CA10: variants seen among roughly 807,000 people sequenced by gnomAD.
The protein encoded by CA10 is carbonic anhydrase 10 (inactive).
A neutral mutation model predicts 44.2 loss-of-function variants in CA10; 14 were observed. That is an observed-to-expected ratio of 0.32 (90% CI 0.21 to 0.50). CA10 has a LOEUF of 0.50. Ranked by LOEUF, CA10 falls within the 20% of genes least tolerant of loss-of-function variation. CA10 has a pLI of 0.99. For missense variants in CA10, 350 were observed against 409.7 expected (o/e 0.85, Z 1.26); for synonymous variants, 159 against 141.6 (o/e 1.12, Z -0.87).
intron 6 of CA10, among the ~76,000 whole-genome samples, chr17:51,642,004 A>G (rs964236049): frequency 6.6e-6 from 1 of 152,254 alleles, no homozygotes; most frequent in Non-Finnish European, 1.5e-5. Flanking sequence ...TTTCTCATAT[A>G]GAATGACATT....
chr17:52,050,505 A>C (rs1445628984), intron 2 of CA10, among the ~76,000 whole-genome samples: 1 of 152,102 alleles, frequency 6.6e-6, no homozygotes, highest in African/African-American at 2.4e-5. Flanking sequence ...TACTCTGGTT[A>C]ACACTCTATA....
intron 4 of CA10, among the ~76,000 whole-genome samples, chr17:51,693,743 C>A (rs981527510): frequency 5.3e-5 from 8 of 152,064 alleles, no homozygotes; most frequent in African/African-American, 1.9e-4. Flanking sequence ...TGATTCACTG[C>A]TAATGGGGGG....
intron 2 of CA10, among the ~76,000 whole-genome samples, chr17:51,962,111 C>CT (rs1181636633): frequency 3.9e-5 from 6 of 152,220 alleles, no homozygotes; most frequent in Non-Finnish European, 8.8e-5. Context: ...AACATATTTG[C>CT]ATGGATTATA....
chr17:51,795,141 C>T (rs979761020), intron 3 of CA10, among the ~76,000 whole-genome samples: 1 of 152,156 alleles, frequency 6.6e-6, no homozygotes, highest in Non-Finnish European at 1.5e-5. Context: ...AAGTACCCGG[C>T]CCAGAGTCTG....
At chr17:51,688,199 C>T (rs1915071144) in intron 4 of CA10, among the ~76,000 whole-genome samples, 1 of 152,200 alleles carries the variant, frequency 6.6e-6, no homozygotes, top group Non-Finnish European at 1.5e-5. Flanking sequence ...GAATCTTCTA[C>T]CCCAGTCAAG....
chr17:51,648,929 T>G (rs533580024), intron 6 of CA10, among the ~76,000 whole-genome samples: 2 of 151,698 alleles, frequency 1.3e-5, no homozygotes, highest in Non-Finnish European at 2.9e-5. Context: ...ATTACCAATC[T>G]ATGGGATAAC....
chr17:51,638,196 C>T (rs1209643232), intron 6 of CA10, among the ~76,000 whole-genome samples: 1 of 152,170 alleles, frequency 6.6e-6, no homozygotes, highest in African/African-American at 2.4e-5. Flanking sequence ...TGGAGCCAAT[C>T]GTTTGGAATG....
chr17:52,041,102 T>A lies in CA10; in HGVS notation c.136+31217A>T, dbSNP rs1986756091. Among the ~76,000 whole-genome samples, 3 of 152,032 alleles carry A rather than the reference T, an allele frequency of 2.0e-5. No individual in the cohort carries two copies. In the South Asian group the frequency reaches 6.2e-4, roughly 32 times the overall value. On this transcript the variant is annotated intron_variant, in intron 2 of 8. Transcript: ENST00000451037. ...TGGAACTACCCTAATGAAGCAAAGC[T>A]TCCAAGCCTACAAGAGATTCCAAGT...
intron 1 of CA10, among the ~76,000 whole-genome samples, chr17:52,084,900 G>C (rs1324500412): frequency 6.6e-6 from 1 of 152,152 alleles, no homozygotes; most frequent in East Asian, 1.9e-4. Context: ...AAGAGTTCCA[G>C]GAAGTGCTAA....
chr17:52,118,701 A>G (rs1988950131), intron 1 of CA10, among the ~76,000 whole-genome samples: 1 of 152,108 alleles, frequency 6.6e-6, no homozygotes. Context: ...TAAAATTCTA[A>G]TGTTTGGGTA....
intron 8 of CA10, 138 bp from the exon 9 acceptor site, chr17:51,631,744 A>C: frequency 2.8e-6 from 2 of 725,398 alleles, no homozygotes; most frequent in South Asian, 3.3e-5. Context: ...ACTTATATGC[A>C]TTCCAACTAC....
intron 1 of CA10, chr17:52,134,912 C>T (rs750218681): frequency 1.9e-6 from 1 of 519,060 alleles, no homozygotes; most frequent in African/African-American, 1.9e-5. Context: ...CACAGTTCAT[C>T]AGGCTCTGTG....
intron 4 of CA10, among the ~76,000 whole-genome samples, chr17:51,693,054 T>C (rs1915274662): frequency 6.6e-6 from 1 of 152,228 alleles, no homozygotes; most frequent in African/African-American, 2.4e-5. Context: ...CCATGGGTTA[T>C]AACAGATTTT....
At chr17:51,738,805 TAAG>T (rs1158429840) in intron 4 of CA10, among the ~76,000 whole-genome samples, 1 of 152,324 alleles carries the variant, frequency 6.6e-6, no homozygotes, top group Middle Eastern at 3.4e-3. Flanking sequence ...CCAGGTGACC[TAAG>T]AAGGTTTTTT....
chr17:52,128,896 CA>C (rs1172854692), intron 1 of CA10, among the ~76,000 whole-genome samples: 1 of 152,152 alleles, frequency 6.6e-6, no homozygotes, highest in African/African-American at 2.4e-5. Flanking sequence ...AATCACCTTC[CA>C]ATTCATGCTC....
intron 3 of CA10, among the ~76,000 whole-genome samples, chr17:51,835,330 G>T (rs917980724): frequency 6.6e-6 from 1 of 152,118 alleles, no homozygotes; most frequent in Non-Finnish European, 1.5e-5. Flanking sequence ...TGGAGTATAC[G>T]GTTGAGAAGA....
At chr17:51,657,571 A>G (rs1353629731) in intron 4 of CA10, among the ~76,000 whole-genome samples, 1 of 152,210 alleles carries the variant, frequency 6.6e-6, no homozygotes, top group African/African-American at 2.4e-5. Flanking sequence ...GGGACAGAGT[A>G]TCAGATTGGC....
At chr17:52,090,438 A>T (rs992356472) in intron 1 of CA10, among the ~76,000 whole-genome samples, 4 of 152,152 alleles carry the variant, frequency 2.6e-5, no homozygotes, top group Non-Finnish European at 4.4e-5. Context: ...AGCATTGATG[A>T]TGCTGAAATA....
At chr17:52,151,520 T>C (rs1989702785) in intron 1 of CA10, among the ~76,000 whole-genome samples, 1 of 152,146 alleles carries the variant, frequency 6.6e-6, no homozygotes, top group Admixed American at 6.6e-5. Context: ...TTTTACAACA[T>C]GTACTCTCTT....
Sources: gnomAD v4.1 joint callset for allele counts (sites outside exome capture counted in the v4.1 genomes callset) on GRCh38, gnomAD v4.1.1 for gene constraint, MANE v1.5 for transcripts, NCBI Gene and HGNC (gene_info 2026-07-23, HGNC 2026-07-21) for gene names.